The following ANPEP variants were observed in gnomAD, a reference collection of about 807,000 sequenced individuals.
ANPEP encodes the protein alanyl aminopeptidase, membrane, also known as aminopeptidase N.
Under a neutral mutation model 114.6 loss-of-function variants are expected in ANPEP, and 70 were observed. That is an observed-to-expected ratio of 0.61 (90% CI 0.50 to 0.75). The LOEUF is 0.75. Among genes scored for constraint, ANPEP ranks in the 30% least tolerant of loss-of-function variants. The pLI is 0.00. For missense variants in ANPEP, 1,184 were observed against 1,259.5 expected, an observed-to-expected ratio of 0.94 and a Z score of 0.91; for synonymous variants, 548 against 522.3, an observed-to-expected ratio of 1.05 and a Z score of -0.67.
At chr15:89,809,921 C>T (rs188566272) in intron 1 of ANPEP, among the ~76,000 whole-genome samples, 100 of 152,318 alleles carry the variant, frequency 6.6e-4, no homozygotes, top group Admixed American at 1.3e-3. Flanking sequence ...TGACTTTGCT[C>T]ATTCTGTTCC....
At chr15:89,814,680 C>G (rs1894876393) in intron 1 of ANPEP, 92 bp downstream of exon 1, 1 of 152,460 alleles carries the variant, frequency 6.6e-6, no homozygotes, top group Non-Finnish European at 1.5e-5. Flanking sequence ...ACGCGCCAAG[C>G]GCTGGGTCTG....
chr15:89,803,176 C>A lies in ANPEP; in HGVS notation c.1569+63G>T. 6.4e-7 allele frequency: 1 copy of A among 1,554,274 alleles called. No individual in the cohort carries two copies. Among genetic ancestry groups the A allele is most frequent in the East Asian group, 2.2e-5 (1 of 44,598 alleles). ...CATTCTCTTACGCATGTGCTGCCCCCAGGTACCTTCAGCATCTCAAGACCC... is the reference window on the plus strand; with the variant it reads ...CATTCTCTTACGCATGTGCTGCCCCAAGGTACCTTCAGCATCTCAAGACCC... On this transcript the variant is annotated intron_variant, in intron 10 of 20. Transcript: ENST00000300060. This position sits in a 1 kb window ranked among gnomAD's most constrained non-coding sequence, Gnocchi z 4.2.
At chr15:89,800,316 A>G (rs1404086642) in intron 12 of ANPEP, among the ~76,000 whole-genome samples, 1 of 152,014 alleles carries the variant, frequency 6.6e-6, no homozygotes, top group Non-Finnish European at 1.5e-5. Context: ...CCTCTCCATG[A>G]ACTTGAATCT....
At chr15:89,798,202 G>A (rs1369608812) in intron 14 of ANPEP, among the ~76,000 whole-genome samples, 1 of 152,204 alleles carries the variant, frequency 6.6e-6, no homozygotes, top group Non-Finnish European at 1.5e-5. Flanking sequence ...CATCACTCAT[G>A]TCCAAGAGCT....
intron 1 of ANPEP, among the ~76,000 whole-genome samples, chr15:89,813,861 A>G (rs1421340469): frequency 6.6e-6 from 1 of 152,170 alleles, no homozygotes; most frequent in African/African-American, 2.4e-5. Context: ...GGCTGAGACC[A>G]GGGCTCTGAC....
chr15:89,789,250 G>C (rs1968568973), intron 20 of ANPEP, among the ~76,000 whole-genome samples: 1 of 151,912 alleles, frequency 6.6e-6, no homozygotes, highest in Non-Finnish European at 1.5e-5. Context: ...AAAGTGCTGG[G>C]ACTACAGGTG....
In ANPEP at chr15:89,806,859, G is replaced by A. The variant is rs1894727210; in HGVS notation, c.-223-53C>T. ...CAGGCTGCAGGCGGCCTGGGATCAG[G>A]CCCGAGGGCTGAAGGGCAGGCTTCC... On this transcript the variant is annotated intron_variant, in intron 1 of 20. Transcript: ENST00000300060. This position sits in a 1 kb window ranked among gnomAD's most constrained non-coding sequence, Gnocchi z 5.7. 4.6e-6 allele frequency: 2 copies of A among 437,884 alleles called. No individual in the cohort carries two copies. The highest frequency in any genetic ancestry group is 8.2e-6 in the Non-Finnish European group (2 of 243,698). The allele number at this position is 437,884 out of a possible 1,614,324, so 27.1% of individuals were successfully genotyped here. A position where few individuals can be genotyped will look rare whatever the true frequency, so the allele number is the denominator to read the frequency against.
chr15:89,809,437 C>G (rs1390889024), intron 1 of ANPEP, among the ~76,000 whole-genome samples: 1 of 152,238 alleles, frequency 6.6e-6, no homozygotes, highest in Admixed American at 6.5e-5. Context: ...GGAATCTTTA[C>G]TCTTCTGGAC....
rs757996133 is a variant in ANPEP at position 89,803,812 on chromosome 15, C to G, written c.1294-22G>C. ...CTTTCTGCAAATTCCCCAGGGCCAT[C>G]AGGAGACTGGCCTGGTAGCGGTGGC... On this transcript the variant is annotated intron_variant, in intron 7 of 20. Coordinates refer to ENST00000300060, the MANE Select transcript of ANPEP (RefSeq NM_001150.3). This position sits in a 1 kb window ranked among gnomAD's most constrained non-coding sequence, Gnocchi z 4.2. The G allele has an allele frequency of 1.2e-6, 2 of 1,610,420 alleles. No individual in the cohort carries two copies. Among genetic ancestry groups the G allele is most frequent in the Non-Finnish European group, 1.7e-6 (2 of 1,177,358 alleles).
intron 15 of ANPEP, 140 bp downstream of exon 15, chr15:89,797,435 C>CTT (rs3214806): frequency 2.0e-4 from 242 of 1,237,622 alleles, no homozygotes; most frequent in Admixed American, 1.3e-3. Flanking sequence ...GGCAATCTTT[C>CTT]TTTTTTTTTG....
intron 15 of ANPEP, among the ~76,000 whole-genome samples, chr15:89,795,685 G>C (rs1355273428): frequency 6.6e-6 from 1 of 152,188 alleles, no homozygotes; most frequent in Non-Finnish European, 1.5e-5. Context: ...TCAGCTGAAC[G>C]CTCAATCCAG....
In ANPEP at chr15:89,806,567, T is replaced by C. The variant is rs756077645; in HGVS notation, c.17A>G (p.Tyr6Cys). MAKGF[Y>C]ISKSLGILGI... ...CAGGATGCCCAGGGACTTGGAAATA[T>C]AGAAGCCCTTGGCCATGGTGATGGT... The change falls in exon 2 of 21, where the codon TAT becomes TGT. Residue 6 changes from tyrosine (Y) to cysteine (C), a missense_variant. By Grantham distance (194) the Tyr-to-Cys change is radical. Transcript: ENST00000300060. The surrounding 1 kb of genome is among the most constrained non-coding windows in gnomAD (Gnocchi z 5.7). The C allele has an allele frequency of 6.2e-6, 10 of 1,605,118 alleles. No homozygotes were observed. The highest frequency in any genetic ancestry group is 5.4e-5 in the African/African-American group (4 of 74,760).
chr15:89,798,575 C>A (rs1463057474), intron 14 of ANPEP, among the ~76,000 whole-genome samples: 1 of 149,862 alleles, frequency 6.7e-6, no homozygotes, highest in Non-Finnish European at 1.5e-5. Context: ...AGGCAGAGGT[C>A]GTAGTGAGCC....
intron 18 of ANPEP, among the ~76,000 whole-genome samples, chr15:89,791,574 A>C (rs1968626834): frequency 6.7e-6 from 1 of 149,400 alleles, no homozygotes; most frequent in African/African-American, 2.5e-5. Flanking sequence ...GGTAGCTGGG[A>C]TTACAGGCAT....
At chr15:89,804,683 C>G (rs41276918) in intron 4 of ANPEP, 66 bp from the exon 5 acceptor site, 30,772 of 1,580,572 alleles carry the variant, frequency 0.019, 351 homozygotes, top group Non-Finnish European at 0.023. Flanking sequence ...TGGGCTGGGT[C>G]CCAGGGCCCA....
Position 89,806,868 on chromosome 15 carries a change from C to T in ANPEP, c.-223-62G>A. Reference sequence around the variant, plus strand: ...GGCGGCCTGGGATCAGGCCCGAGGGCTGAAGGGCAGGCTTCCGGCTGTAGG... The same window carrying T: ...GGCGGCCTGGGATCAGGCCCGAGGGTTGAAGGGCAGGCTTCCGGCTGTAGG... On this transcript the variant is annotated intron_variant, in intron 1 of 20. Coordinates refer to ENST00000300060, the MANE Select transcript of ANPEP (RefSeq NM_001150.3). The surrounding 1 kb of genome is among the most constrained non-coding windows in gnomAD (Gnocchi z 5.7). 1 of 399,460 alleles carries T rather than the reference C, an allele frequency of 2.5e-6. No individual in the cohort carries two copies. The highest frequency in any genetic ancestry group is 4.6e-6 in the Non-Finnish European group (1 of 219,574). The allele number at this position is 399,460 out of a possible 1,614,324, so 24.7% of individuals were successfully genotyped here.
chr15:89,810,423 T>G (rs1894796786), intron 1 of ANPEP, among the ~76,000 whole-genome samples: 2 of 151,784 alleles, frequency 1.3e-5, no homozygotes, highest in Non-Finnish European at 2.9e-5. Flanking sequence ...AATACAAAAT[T>G]AGCTGGACGT....
chr15:89,810,064 A>G (rs1894790765), intron 1 of ANPEP, among the ~76,000 whole-genome samples: 1 of 151,748 alleles, frequency 6.6e-6, no homozygotes, highest in Admixed American at 6.6e-5. Flanking sequence ...TCCAGTTCCC[A>G]CCTCTATCAC....
chr15:89,798,649 CG>C (rs34558689), intron 14 of ANPEP, among the ~76,000 whole-genome samples: 8 of 149,856 alleles, frequency 5.3e-5, no homozygotes, highest in East Asian at 3.9e-4. Flanking sequence ...AAAAAAAAAG[CG>C]GGGGGGCATG....
Sources: allele counts gnomAD v4.1 joint callset (sites outside exome capture counted in the v4.1 genomes callset), GRCh38; gene constraint gnomAD v4.1.1; non-coding constraint Gnocchi (gnomAD v3.1); transcripts MANE v1.5; gene names NCBI Gene and HGNC (gene_info 2026-07-23, HGNC 2026-07-21).